TRPC4: variants seen among roughly 807,000 people sequenced by gnomAD.
TRPC4 encodes the protein transient receptor potential cation channel subfamily C member 4, also known as short transient receptor potential channel 4.
A neutral mutation model predicts 99.4 loss-of-function variants in TRPC4; 49 were observed. That is an observed-to-expected ratio of 0.49 (90% confidence interval 0.39 to 0.63). The LOEUF (loss-of-function observed/expected upper bound fraction) is 0.63. Ranked by LOEUF, TRPC4 falls within the 20% of genes least tolerant of loss-of-function variation. The probability of loss-of-function intolerance (pLI) is 0.00; values close to 1 mark genes in which losing one functional copy is unlikely to be tolerated. For synonymous variants in TRPC4, 454 were observed against 425.9 expected (o/e 1.07, Z -0.81); for missense variants, 898 against 1,152.9 (o/e 0.78, Z 3.20).
intron 1 of TRPC4, among the ~76,000 whole-genome samples, chr13:37,844,656 C>T (rs944686378): frequency 1.3e-5 from 2 of 152,006 alleles, no homozygotes; most frequent in Non-Finnish European, 2.9e-5. Flanking sequence ...CAGATGCTCT[C>T]GTTAAGCTTT....
chr13:37,704,835 ACAT>A (rs1486541475), intron 3 of TRPC4, among the ~76,000 whole-genome samples: 2 of 152,138 alleles, frequency 1.3e-5, no homozygotes, highest in Non-Finnish European at 2.9e-5. Flanking sequence ...TCATAATAAA[ACAT>A]CAGATGCATG....
intron 6 of TRPC4, among the ~76,000 whole-genome samples, chr13:37,662,125 C>T (rs755447487): frequency 6.6e-6 from 1 of 151,982 alleles, no homozygotes; most frequent in African/African-American, 2.4e-5. Context: ...GCCTGGCCAA[C>T]ATGTTGAAAC....
At chr13:37,704,632 T>G (rs1301043771) in intron 3 of TRPC4, among the ~76,000 whole-genome samples, 1 of 152,028 alleles carries the variant, frequency 6.6e-6, no homozygotes, top group Admixed American at 6.6e-5. Context: ...CAAGACTCTG[T>G]CTCTAAGTAA....
At chr13:37,771,827 T>C (rs1176264348) in intron 2 of TRPC4, among the ~76,000 whole-genome samples, 1 of 151,702 alleles carries the variant, frequency 6.6e-6, no homozygotes, top group Non-Finnish European at 1.5e-5. Flanking sequence ...GAGCTCCTTA[T>C]ATAGATAACA....
chr13:37,859,004 T>C (rs1959198308), intron 1 of TRPC4, among the ~76,000 whole-genome samples: 1 of 151,460 alleles, frequency 6.6e-6, no homozygotes, highest in South Asian at 2.1e-4. Flanking sequence ...GATGTGATTA[T>C]TACTGACTGC....
chr13:37,747,384 C>G (rs975909723), intron 2 of TRPC4, among the ~76,000 whole-genome samples: 2 of 152,264 alleles, frequency 1.3e-5, no homozygotes, highest in Non-Finnish European at 2.9e-5. Context: ...GTCTGACACC[C>G]AACCCTGAGT....
At chr13:37,799,628 T>C (rs1351046077) in intron 1 of TRPC4, among the ~76,000 whole-genome samples, 1 of 152,176 alleles carries the variant, frequency 6.6e-6, no homozygotes, top group Non-Finnish European at 1.5e-5. Flanking sequence ...TGGACCATGG[T>C]GTTTGTGTCC....
At chr13:37,799,733 T>C (rs1957353098) in intron 1 of TRPC4, among the ~76,000 whole-genome samples, 1 of 152,322 alleles carries the variant, frequency 6.6e-6, no homozygotes, top group East Asian at 1.9e-4. Context: ...AATCACATTG[T>C]AATCCAAAAA....
intron 4 of TRPC4, among the ~76,000 whole-genome samples, chr13:37,680,854 G>T (rs977311827): frequency 6.6e-6 from 1 of 152,078 alleles, no homozygotes; most frequent in Non-Finnish European, 1.5e-5. Flanking sequence ...TTATAATTCG[G>T]TTGCTTTCAG....
chr13:37,700,623 C>G (rs895561515), intron 3 of TRPC4, among the ~76,000 whole-genome samples: 3 of 152,120 alleles, frequency 2.0e-5, no homozygotes, highest in Non-Finnish European at 4.4e-5. Flanking sequence ...ATATCAAGAC[C>G]TATAGTTTTA....
chr13:37,732,816 G>T (rs995298394), intron 3 of TRPC4, among the ~76,000 whole-genome samples: 3 of 152,082 alleles, frequency 2.0e-5, no homozygotes, highest in Admixed American at 6.6e-5. Context: ...AATAGTAGAT[G>T]ACATAAACAA....
chr13:37,789,387 T>C (rs1437221480), intron 1 of TRPC4, among the ~76,000 whole-genome samples: 1 of 152,170 alleles, frequency 6.6e-6, no homozygotes, highest in Non-Finnish European at 1.5e-5. Context: ...TTTCTTCCTC[T>C]CAATGCACAG....
At chr13:37,683,735 G>A (rs1343124035) in intron 4 of TRPC4, among the ~76,000 whole-genome samples, 1 of 152,176 alleles carries the variant, frequency 6.6e-6, no homozygotes, top group African/African-American at 2.4e-5. Flanking sequence ...AGCAACAGGA[G>A]TGAGGAAGCA....
At position 37,783,147 on chromosome 13, in the gene TRPC4, T is replaced by C; in HGVS notation, c.187A>G (p.Ile63Val). The change falls in exon 2 of 11, where the codon ATT becomes GTT. Residue 63 changes from isoleucine (I) to valine (V), a missense_variant. Transcript: ENST00000379705. ...CTTCCGAGAGGATCAATGCAATTAA[T>C]ATTGATTTTAAAATAAATTTCAGCT... is the stretch of plus-strand genomic sequence containing the variant. ...EEAEIYFKIN[I>V]NCIDPLGRTA... is the part of the protein sequence containing the mutation. The C allele has an allele frequency of 6.2e-7, 1 of 1,613,536 alleles. No individual in the cohort carries two copies. The highest frequency in any genetic ancestry group is 8.5e-7 in the Non-Finnish European group (1 of 1,179,736).
chr13:37,772,846 A>T (rs1340715041), intron 2 of TRPC4, among the ~76,000 whole-genome samples: 1 of 151,740 alleles, frequency 6.6e-6, no homozygotes, highest in Non-Finnish European at 1.5e-5. Flanking sequence ...TTGCTGCATC[A>T]GGCCGCCCAA....
chr13:37,817,886 C>T (rs1194396069), intron 1 of TRPC4, among the ~76,000 whole-genome samples: 1 of 151,904 alleles, frequency 6.6e-6, no homozygotes, highest in Non-Finnish European at 1.5e-5. Context: ...AAAATCAACT[C>T]ATGATGAATT....
chr13:37,759,351 A>G (rs1956168590), intron 2 of TRPC4, among the ~76,000 whole-genome samples: 1 of 151,812 alleles, frequency 6.6e-6, no homozygotes, highest in South Asian at 2.1e-4. Flanking sequence ...CCTGAGATTG[A>G]GAGCTCTTAA....
In TRPC4 at chr13:37,701,030, T is replaced by A. The variant is rs181754846; in HGVS notation, c.898-8695A>T. Among the ~76,000 whole-genome samples the A allele has an allele frequency of 2.7e-3, 418 of 152,244 alleles. 1 individual carries two copies. Among genetic ancestry groups the A allele is most frequent in the Non-Finnish European group, 4.8e-3 (329 of 68,026 alleles). ...TAATATACAGAGAAAAAGTTATGTGTTTTGGAAACAGCAGAGGCAACACAG... is the reference window on the plus strand; with the variant it reads ...TAATATACAGAGAAAAAGTTATGTGATTTGGAAACAGCAGAGGCAACACAG... On this transcript the variant is annotated intron_variant, in intron 3 of 10. Coordinates refer to ENST00000379705, the MANE Select transcript of TRPC4 (RefSeq NM_016179.4).
intron 2 of TRPC4, among the ~76,000 whole-genome samples, chr13:37,778,865 T>A (rs1014821971): frequency 6.6e-6 from 1 of 152,048 alleles, no homozygotes; most frequent in South Asian, 2.1e-4. Flanking sequence ...ACATCTAACA[T>A]AAAATATACA....
Sources: allele counts gnomAD v4.1 joint callset (sites outside exome capture counted in the v4.1 genomes callset), GRCh38; gene constraint gnomAD v4.1.1; transcripts MANE v1.5; gene names NCBI Gene and HGNC (gene_info 2026-07-23, HGNC 2026-07-21).